OLFML3: variants seen among roughly 807,000 people sequenced by gnomAD.
OLFML3 encodes olfactomedin like 3, also known as olfactomedin-like protein 3.
OLFML3 carries 26 observed loss-of-function variants against 36.0 expected under a neutral mutation model. The observed-to-expected ratio is 0.72, with a 90% CI of 0.53 to 1.00. OLFML3 has a LOEUF of 1.00. Ranked by LOEUF, OLFML3 falls within the 50% of genes least tolerant of loss-of-function variation. The pLI is 0.00. For synonymous variants in OLFML3, 184 were observed against 201.2 expected, an observed-to-expected ratio of 0.91 and a Z score of 0.72; for missense variants, 503 against 519.4, an observed-to-expected ratio of 0.97 and a Z score of 0.31.
chr1:113,979,983 C>A, intron 1 of OLFML3: 2 of 1,456,196 alleles, frequency 1.4e-6, no homozygotes, highest in East Asian at 2.5e-5. Flanking sequence ...AGGTTGAGAT[C>A]CGTAGCATTT....
chr1:113,980,930 C>T lies in OLFML3; in HGVS notation c.401-19C>T. The T allele has an allele frequency of 6.6e-7, 1 of 1,509,488 alleles. No individual in the cohort carries two copies. Among genetic ancestry groups the T allele is most frequent in the Non-Finnish European group, 8.9e-7 (1 of 1,129,254 alleles). 93.5% of individuals were successfully genotyped at this position (1,509,488 alleles called of 1,614,324 possible). A position where few individuals can be genotyped will look rare whatever the true frequency, so the allele number is the denominator to read the frequency against. On this transcript the variant is annotated intron_variant, in intron 2 of 2. Transcript: ENST00000320334. ...CTAATTCTTGCCTCTATTTCCTTTTCCTGTGCTTTTCTCATCAGACTGTGG... is the reference window on the plus strand; with the variant it reads ...CTAATTCTTGCCTCTATTTCCTTTTTCTGTGCTTTTCTCATCAGACTGTGG...
chr1:113,979,919 A>G, intron 1 of OLFML3: 1 of 1,423,444 alleles, frequency 7.0e-7, no homozygotes, highest in Admixed American at 2.9e-5. Context: ...GAAGGTGATG[A>G]TTCTGTTGAA....
At position 113,981,208 on chromosome 1, in the gene OLFML3, T is replaced by C. The variant is rs1673398519; in HGVS notation, c.660T>C (p.Tyr220=). The change falls in exon 3 of 3, where the codon TAT becomes TAC. Residue 220 remains tyrosine, a synonymous_variant. Coordinates refer to ENST00000320334, the MANE Select transcript of OLFML3 (RefSeq NM_020190.5). ...AGCTGGTATATGGTGGCTTTCTTTA[T>C]TTTGCTCGGAGGCCTCCTGGAAGAC... ...TGQLVYGGFL[Y]FARRPPGRPG... The C allele has an allele frequency of 6.2e-7, 1 of 1,614,032 alleles. No individual in the cohort carries two copies. The highest frequency in any genetic ancestry group is 8.5e-7 in the Non-Finnish European group (1 of 1,180,024).
Position 113,981,520 on chromosome 1 carries a change from C to G in OLFML3, c.972C>G (p.Ala324=), listed in dbSNP as rs1673412137. The change falls in exon 3 of 3, where the codon GCC becomes GCG. Residue 324 remains alanine, a synonymous_variant. Transcript: ENST00000320334. The stretch of plus-strand genomic sequence containing the variant: ...GTCCCAGAGAGAATGCTGAGGCTGC[C>G]TTTGTCATCTGTGGGACCCTCTATG... ...TPCPRENAEA[A]FVICGTLYVV... is the part of the protein sequence containing the mutation. The G allele has an allele frequency of 6.2e-7, 1 of 1,614,136 alleles. No homozygotes were observed. Among genetic ancestry groups the G allele is most frequent in the Non-Finnish European group, 8.5e-7 (1 of 1,180,014 alleles).
Position 113,981,331 on chromosome 1 carries a change from G to A in OLFML3, c.783G>A (p.Gly261=). Residue 261 remains glycine, a synonymous_variant, in exon 3 of 3, where the codon GGG becomes GGA. Coordinates refer to ENST00000320334, the MANE Select transcript of OLFML3 (RefSeq NM_020190.5). ...VVDSSVFPAE[G]LIPPYGLTAD... ...ACAGCTCAGTATTCCCAGCAGAGGG[G>A]CTGATCCCCCCCTACGGCTTGACAG... The A allele has an allele frequency of 6.3e-7, 1 of 1,599,308 alleles. No homozygotes were observed. The highest frequency in any genetic ancestry group is 1.7e-5 in the Admixed American group (1 of 59,022).
chr1:113,981,474 A>G lies in OLFML3; in HGVS notation c.926A>G (p.Glu309Gly). The change falls in exon 3 of 3, where the codon GAG (glutamate) becomes GGG (glycine). Residue 309 changes from glutamate (E) to glycine (G), a missense_variant. Physicochemically the swap from Glu to Gly is moderately conservative, Grantham distance 98. Coordinates refer to ENST00000320334, the MANE Select transcript of OLFML3 (RefSeq NM_020190.5). ...TTAGATCCACAGACACTGGACACAG[A>G]GCAGCAGTGGGACACACCATGTCCC... Reference protein sequence around the residue: ...AKLDPQTLDTEQQWDTPCPRE... With the variant: ...AKLDPQTLDTGQQWDTPCPRE... 1 of 1,614,034 alleles carries G rather than the reference A, an allele frequency of 6.2e-7. No homozygotes were observed. Among genetic ancestry groups the G allele is most frequent in the Non-Finnish European group, 8.5e-7 (1 of 1,179,978 alleles).
In OLFML3 at chr1:113,981,812, T is replaced by G. The variant is rs1673425250; in HGVS notation, c.*43T>G. 3 of 1,497,518 alleles carry G rather than the reference T, an allele frequency of 2.0e-6. No homozygotes were observed. In the African/African-American group the frequency reaches 4.2e-5, roughly 21 times the overall value. 92.8% of individuals were successfully genotyped at this position (1,497,518 alleles called of 1,614,324 possible). A position where few individuals can be genotyped will look rare whatever the true frequency, so the allele number is the denominator to read the frequency against. On this transcript the variant is annotated 3_prime_UTR_variant, in exon 3 of 3. Coordinates refer to ENST00000320334, the MANE Select transcript of OLFML3 (RefSeq NM_020190.5). The stretch of plus-strand genomic sequence containing the variant: ...TTGCATCTTTCTCACTCCCATACAT[T>G]TATATTATATCCCCACTAAATTTCT...
Position 113,981,621 on chromosome 1 carries a change from A to G in OLFML3, c.1073A>G (p.Glu358Gly). 1 of 1,614,088 alleles carries G rather than the reference A, an allele frequency of 6.2e-7. No individual in the cohort carries two copies. Among genetic ancestry groups the G allele is most frequent in the Non-Finnish European group, 8.5e-7 (1 of 1,180,026 alleles). ...GATGCCAGCGGCACCCTGACCCCTG[A>G]ACGGGCAGCACTCCCTTATTTTCCC... ...SFDASGTLTP[E>G]RAALPYFPRR... Residue 358 changes from glutamate to glycine, a missense_variant, in exon 3 of 3, where the codon GAA becomes GGA. Physicochemically the swap from Glu to Gly is moderately conservative, Grantham distance 98. Transcript: ENST00000320334.
chr1:113,980,502 C>CT lies in OLFML3; in HGVS notation c.286dup (p.Tyr96LeufsTer15). 1.2e-6 allele frequency: 2 copies of CT among 1,614,114 alleles called. No homozygotes were observed. Among genetic ancestry groups the CT allele is most frequent in the Non-Finnish European group, 1.7e-6 (2 of 1,180,024 alleles). On this transcript the variant is annotated frameshift_variant, in exon 2 of 3. Coordinates refer to ENST00000320334, the MANE Select transcript of OLFML3 (RefSeq NM_020190.5). LOFTEE classifies it high-confidence loss of function. ...TGGATCGTCTGGAGCGGGAGGTAGACTATCTGGAGACCCAGAACCCAGCTC... is the reference window on the plus strand; with the variant it reads ...TGGATCGTCTGGAGCGGGAGGTAGACTTATCTGGAGACCCAGAACCCAGCTC...
In OLFML3 at chr1:113,982,037, T is replaced by A. The variant is rs761728113; in HGVS notation, c.*268T>A. 4.3e-6 allele frequency: 2 copies of A among 468,344 alleles called. No homozygotes were observed. The highest frequency in any genetic ancestry group is 7.8e-6 in the Non-Finnish European group (2 of 256,524). The allele number at this position is 468,344 out of a possible 1,614,324, so 29.0% of individuals were successfully genotyped here. On this transcript the variant is annotated 3_prime_UTR_variant, in exon 3 of 3. Transcript: ENST00000320334. Reference sequence around the variant, plus strand: ...ATGTCAACAAATTTCAGGCTAAGGATGCCCCAGACCCAGGGCTCTAACCTT... The same window carrying A: ...ATGTCAACAAATTTCAGGCTAAGGAAGCCCCAGACCCAGGGCTCTAACCTT...
intron 1 of OLFML3, 48 bp downstream of exon 1, chr1:113,979,678 C>A: frequency 7.4e-7 from 1 of 1,357,924 alleles, no homozygotes; most frequent in Non-Finnish European, 1.1e-6. Flanking sequence ...GATTCCAGGG[C>A]TATTGGTTCA....
chr1:113,981,092 G>T lies in OLFML3; in HGVS notation c.544G>T (p.Val182Phe), dbSNP rs1216201178. 5.0e-6 allele frequency: 8 copies of T among 1,613,262 alleles called. No homozygotes were observed. Among genetic ancestry groups the T allele is most frequent in the Non-Finnish European group, 5.9e-6 (7 of 1,179,614 alleles). The change falls in exon 3 of 3, where the codon GTC (valine) becomes TTC (phenylalanine). Residue 182 changes from valine (V) to phenylalanine (F), a missense_variant. Val to Phe is a conservative substitution (Grantham distance 50). Coordinates refer to ENST00000320334, the MANE Select transcript of OLFML3 (RefSeq NM_020190.5). ...TGGGACACAGAATGACACAGCCTTT[G>T]TCTTCCCAAGGCTGCGTGACTTCAC... ...LDGTQNDTAF[V>F]FPRLRDFTLA...
intron 1 of OLFML3, 40 bp downstream of exon 1, chr1:113,979,670 T>G (rs781769562): frequency 2.6e-5 from 37 of 1,397,216 alleles, no homozygotes; most frequent in Non-Finnish European, 3.5e-5. Context: ...CCTAGAAGGA[T>G]TCCAGGGCTA....
chr1:113,980,335 C>T lies in OLFML3; in HGVS notation c.118C>T (p.Arg40Trp), dbSNP rs755117802. The T allele has an allele frequency of 8.4e-6, 13 of 1,547,438 alleles. No homozygotes were observed. The highest frequency in any genetic ancestry group is 2.7e-5 in the African/African-American group (2 of 73,082). Residue 40 changes from arginine (R) to tryptophan (W), a missense_variant, in exon 2 of 3, where the codon CGG becomes TGG. Arg to Trp is a moderately radical substitution (Grantham distance 101, BLOSUM62 -3). Transcript: ENST00000320334. ...TCCTGATCCCCCATCCCTTCAGGAA[C>T]GGCTGGCCCAGTGCCAGGACCAGAG... is the stretch of plus-strand genomic sequence containing the variant. ...MERRLAALEE[R>W]LAQCQDQSSR...
chr1:113,982,116 T>C lies in OLFML3; in HGVS notation c.*347T>C. 3.0e-6 allele frequency: 1 copy of C among 331,050 alleles called. No individual in the cohort carries two copies. Among genetic ancestry groups the C allele is most frequent in the South Asian group, 2.9e-5 (1 of 34,376 alleles). The allele number at this position is 331,050 out of a possible 1,614,324, so 20.5% of individuals were successfully genotyped here. A position where few individuals can be genotyped will look rare whatever the true frequency, so the allele number is the denominator to read the frequency against. Reference sequence around the variant, plus strand: ...GCAGTGTTCTTCCCCTCAGAGTGACTTGGGGAGGGAGAAATAGGAGGAGAC... The same window carrying C: ...GCAGTGTTCTTCCCCTCAGAGTGACCTGGGGAGGGAGAAATAGGAGGAGAC... On this transcript the variant is annotated 3_prime_UTR_variant, in exon 3 of 3. Coordinates refer to ENST00000320334, the MANE Select transcript of OLFML3 (RefSeq NM_020190.5).
rs1444757106 is a variant in OLFML3, at chr1:113,981,897, A to G, written c.*128A>G. 7 of 809,312 alleles carry G rather than the reference A, an allele frequency of 8.6e-6. No homozygotes were observed. Among genetic ancestry groups the G allele is most frequent in the East Asian group, 2.7e-5 (1 of 37,734 alleles). 50.1% of individuals were successfully genotyped at this position (809,312 alleles called of 1,614,324 possible). ...CTCAAATCCTCTATATTTTTAGCCA[A>G]TGGCAATCAAATTCTTTCAGCTCCT... On this transcript the variant is annotated 3_prime_UTR_variant, in exon 3 of 3. Coordinates refer to ENST00000320334, the MANE Select transcript of OLFML3 (RefSeq NM_020190.5).
At chr1:113,979,673 C>T (rs1238024955) in intron 1 of OLFML3, 43 bp downstream of exon 1, 1 of 1,384,288 alleles carries the variant, frequency 7.2e-7, no homozygotes, top group Non-Finnish European at 1.0e-6. Context: ...AGAAGGATTC[C>T]AGGGCTATTG....
intron 1 of OLFML3, 105 bp downstream of exon 1, chr1:113,979,735 A>G (rs1352485952): frequency 2.1e-5 from 19 of 902,422 alleles, no homozygotes; most frequent in Non-Finnish European, 3.3e-5. Flanking sequence ...GCTCTGTTAG[A>G]GTCTACAGAA....
Position 113,980,440 on chromosome 1 carries a change from G to A in OLFML3, c.223G>A (p.Ala75Thr), listed in dbSNP as rs1220255439. ...LLEVAEKERE[A>T]LRTEADTISG... ...GGAGGTGGCAGAGAAGGAGCGGGAG[G>A]CACTCAGAACTGAGGCCGACACCAT... Residue 75 changes from alanine (A) to threonine (T), a missense_variant, in exon 2 of 3, where the codon GCA becomes ACA. Physicochemically the swap from Ala to Thr is moderately conservative, Grantham distance 58 (BLOSUM62 0). Coordinates refer to ENST00000320334, the MANE Select transcript of OLFML3 (RefSeq NM_020190.5). The A allele has an allele frequency of 6.2e-7, 1 of 1,613,674 alleles. No individual in the cohort carries two copies. Among genetic ancestry groups the A allele is most frequent in the East Asian group, 2.2e-5 (1 of 44,876 alleles).
Sources: gnomAD v4.1 joint callset for allele counts on GRCh38, gnomAD v4.1.1 for gene constraint, MANE v1.5 for transcripts, NCBI Gene and HGNC (gene_info 2026-07-23, HGNC 2026-07-21) for gene names.